Variants in YEATS2 observed in about 807,000 individuals in gnomAD.
YEATS2 encodes YEATS domain containing 2.
A neutral mutation model predicts 163.2 loss-of-function variants in YEATS2; 77 were observed. That is an observed-to-expected ratio of 0.47 (90% confidence interval 0.39 to 0.57). The LOEUF is 0.57. YEATS2 is among the 20% of genes least tolerant of loss of function. The pLI is 0.00. For missense variants in YEATS2, 1,549 were observed against 1,729.8 expected, an observed-to-expected ratio of 0.90 and a Z score of 1.85; for synonymous variants, 631 against 645.1, an observed-to-expected ratio of 0.98 and a Z score of 0.33.
intron 11 of YEATS2, among the ~76,000 whole-genome samples, 193 bp downstream of exon 11, chr3:183,754,558 T>G (rs539945958): frequency 2.0e-5 from 3 of 152,246 alleles, no homozygotes; most frequent in Admixed American, 2.0e-4. Context: ...CATACGGAAA[T>G]GAATGGAGGA....
intron 4 of YEATS2, among the ~76,000 whole-genome samples, chr3:183,720,369 C>T (rs1358637819): frequency 2.0e-5 from 3 of 152,124 alleles, no homozygotes; most frequent in African/African-American, 7.2e-5. Flanking sequence ...TTCAGCATAA[C>T]TTTCGTTTTT....
intron 15 of YEATS2, among the ~76,000 whole-genome samples, chr3:183,764,059 C>G (rs554167383): frequency 2.0e-5 from 3 of 151,810 alleles, no homozygotes; most frequent in South Asian, 2.1e-4. Flanking sequence ...CAGAGGGAGA[C>G]TGTCTCAAAA....
Position 183,808,063 on chromosome 3 carries a change from AGGAACGT to A in YEATS2, c.4047_4053del (p.Arg1349SerfsTer9), listed in dbSNP as rs1329793622. On this transcript the variant is annotated frameshift_variant, in exon 29 of 31. Coordinates refer to ENST00000305135, the MANE Select transcript of YEATS2 (RefSeq NM_018023.5). LOFTEE classifies it high-confidence loss of function. ...CACCCTGCAGCCCGTGGCACTCCAC[AGGAACGT>A]GTATGCGTCCGTGGTGGAGGACATG... 1 of 1,562,860 alleles carries A rather than the reference AGGAACGT, an allele frequency of 6.4e-7. No individual in the cohort carries two copies. Among genetic ancestry groups the A allele is most frequent in the Admixed American group, 1.9e-5 (1 of 52,596 alleles).
At chr3:183,797,055 G>A (rs1725215369) in intron 21 of YEATS2, among the ~76,000 whole-genome samples, 1 of 151,716 alleles carries the variant, frequency 6.6e-6, no homozygotes, top group Admixed American at 6.6e-5. Context: ...GATCACTTGA[G>A]GTTGGGAGTT....
At chr3:183,765,224 A>G (rs1227754239) in intron 15 of YEATS2, among the ~76,000 whole-genome samples, 1 of 152,182 alleles carries the variant, frequency 6.6e-6, no homozygotes, top group Non-Finnish European at 1.5e-5. Flanking sequence ...GTACCTCAAA[A>G]TCTGTTTTGC....
intron 21 of YEATS2, among the ~76,000 whole-genome samples, chr3:183,796,054 C>G (rs1725120082): frequency 6.7e-6 from 1 of 149,976 alleles, no homozygotes; most frequent in Non-Finnish European, 1.5e-5. Flanking sequence ...GTGATCTCGG[C>G]CTACTGAAAC....
chr3:183,757,246 T>G (rs1424386468), intron 12 of YEATS2, among the ~76,000 whole-genome samples: 1 of 152,134 alleles, frequency 6.6e-6, no homozygotes, highest in East Asian at 1.9e-4. Flanking sequence ...TCTAACATTA[T>G]TTTATTTATT....
At chr3:183,771,316 G>A (rs1243327649) in intron 15 of YEATS2, among the ~76,000 whole-genome samples, 1 of 152,082 alleles carries the variant, frequency 6.6e-6, no homozygotes, top group African/African-American at 2.4e-5. Flanking sequence ...CTAGTTTCTG[G>A]TGAGAAGTTC....
intron 11 of YEATS2, 22 bp downstream of exon 11, chr3:183,754,387 A>C: frequency 6.2e-7 from 1 of 1,605,986 alleles, no homozygotes; most frequent in Non-Finnish European, 8.5e-7. Flanking sequence ...TTTTGAAGAC[A>C]GTGTATGTGG....
At position 183,772,826 on chromosome 3, in the gene YEATS2, G is replaced by A. The variant is rs536911995; in HGVS notation, c.2206+263G>A. The stretch of plus-strand genomic sequence containing the variant: ...ACAAATCATTTCTCAGTACTGTGGG[G>A]GATTGGTTCCAGGACCCCCTGCTGC... On this transcript the variant is annotated intron_variant, in intron 16 of 30. Coordinates refer to ENST00000305135, the MANE Select transcript of YEATS2 (RefSeq NM_018023.5). 6.6e-5 allele frequency among the ~76,000 whole-genome samples: 10 copies of A among 151,938 alleles called. No homozygotes were observed. In the South Asian group the frequency reaches 1.9e-3, roughly 28 times the overall value.
chr3:183,782,484 C>T (rs1246481492), intron 19 of YEATS2, among the ~76,000 whole-genome samples: 1 of 150,334 alleles, frequency 6.7e-6, no homozygotes, highest in Non-Finnish European at 1.5e-5. Context: ...AGTACAATGG[C>T]GTGATCTCAG....
Position 183,724,507 on chromosome 3 carries a change from C to A in YEATS2, c.626C>A (p.Thr209Lys). The change falls in exon 6 of 31, where the codon ACA becomes AAA. Residue 209 changes from threonine (T) to lysine (K), a missense_variant. Transcript: ENST00000305135. ...ACTTCACGACTTTTTGTAAAGAAAA[C>A]AATAGTAGTGGGCAATGTGTCCAAG... is the stretch of plus-strand genomic sequence containing the variant. The part of the protein sequence containing the change: ...DETSRLFVKK[T>K]IVVGNVSKYI... 1 of 1,612,566 alleles carries A rather than the reference C, an allele frequency of 6.2e-7. No homozygotes were observed. Among genetic ancestry groups the A allele is most frequent in the Middle Eastern group, 1.7e-4 (1 of 6,060 alleles).
At chr3:183,792,623 T>G (rs1001448862) in intron 21 of YEATS2, among the ~76,000 whole-genome samples, 2 of 152,194 alleles carry the variant, frequency 1.3e-5, no homozygotes, top group Admixed American at 1.3e-4. Flanking sequence ...GTTCAAGCGA[T>G]TCTCCTGCCT....
rs1262172660 is a variant in YEATS2, at chr3:183,747,734, A to G, written c.969+18A>G. ...CAGAGACGGTAGGTTTTTTTCCTAC[A>G]GTATTATCTGGGAATGAGTAGGATG... On this transcript the variant is annotated intron_variant, in intron 9 of 30. Transcript: ENST00000305135. 3 of 1,608,280 alleles carry G rather than the reference A, an allele frequency of 1.9e-6. No homozygotes were observed. The highest frequency in any genetic ancestry group is 2.7e-5 in the African/African-American group (2 of 74,752).
At chr3:183,707,759 C>T (rs1714768745) in intron 1 of YEATS2, among the ~76,000 whole-genome samples, 1 of 148,334 alleles carries the variant, frequency 6.7e-6, no homozygotes, top group South Asian at 2.1e-4. Context: ...TCTCGGATCA[C>T]TGCAACCTCT....
At chr3:183,741,680 G>A (rs1718981981) in intron 8 of YEATS2, among the ~76,000 whole-genome samples, 1 of 152,122 alleles carries the variant, frequency 6.6e-6, no homozygotes, top group African/African-American at 2.4e-5. Flanking sequence ...TACTAGGGAG[G>A]CTGAGGCAGG....
intron 24 of YEATS2, 50 bp downstream of exon 24, chr3:183,800,618 C>T (rs775876430): frequency 2.0e-5 from 29 of 1,471,488 alleles, no homozygotes; most frequent in Middle Eastern, 3.5e-4. Flanking sequence ...GTGTTTGTCA[C>T]GCCTGTGACA....
intron 11 of YEATS2, 149 bp from the exon 12 acceptor site, chr3:183,756,379 T>C: frequency 3.3e-6 from 2 of 605,596 alleles, no homozygotes; most frequent in Non-Finnish European, 5.4e-6. Context: ...CTGTTGCTGC[T>C]CAGTACCGGG....
At chr3:183,724,202 A>G (rs2109074830) in intron 5 of YEATS2, among the ~76,000 whole-genome samples, 1 of 152,338 alleles carries the variant, frequency 6.6e-6, no homozygotes, top group East Asian at 1.9e-4. Flanking sequence ...TGACTATTAA[A>G]AACACACCGG....
Sources: gnomAD v4.1 joint callset for allele counts (sites outside exome capture counted in the v4.1 genomes callset) on GRCh38, gnomAD v4.1.1 for gene constraint, MANE v1.5 for transcripts, NCBI Gene and HGNC (gene_info 2026-07-23, HGNC 2026-07-21) for gene names.